LGALS9: variants seen among roughly 807,000 people sequenced by gnomAD.
The protein encoded by LGALS9 is galectin-9.
LGALS9 carries 26 observed loss-of-function variants against 35.9 expected under a neutral mutation model. The ratio of observed to expected loss-of-function variants is 0.72; its 90% CI spans 0.53 to 1.01. The LOEUF (loss-of-function observed/expected upper bound fraction) is 1.01, where lower values mean the gene tolerates loss of function less well. Ranked by LOEUF, LGALS9 falls within the 50% of genes least tolerant of loss-of-function variation. The pLI is 0.00. For synonymous variants in LGALS9, 149 were observed against 172.2 expected (o/e 0.87, Z 1.06); for missense variants, 347 against 445.8 (o/e 0.78, Z 1.99).
At chr17:27,643,420 C>A in intron 4 of LGALS9, 105 bp from the exon 5 acceptor site, 2 of 1,547,702 alleles carry the variant, frequency 1.3e-6, no homozygotes, top group Non-Finnish European at 1.7e-6. Context: ...TGCCTCATCG[C>A]CCTGCCTGCC....
chr17:27,645,743 G>A, intron 6 of LGALS9, 118 bp from the exon 7 acceptor site: 1 of 760,514 alleles, frequency 1.3e-6, no homozygotes, highest in Non-Finnish European at 2.1e-6. Flanking sequence ...TGTGGGGTCT[G>A]TGGGGCCATT....
intron 10 of LGALS9, among the ~76,000 whole-genome samples, 194 bp downstream of exon 10, chr17:27,647,626 T>C (rs1427283867): frequency 1.3e-5 from 2 of 152,316 alleles, no homozygotes; most frequent in South Asian, 2.1e-4. Context: ...GATCTGCTTT[T>C]TCAGATGAGG....
At chr17:27,639,356 C>G (rs2074490612) in intron 2 of LGALS9, among the ~76,000 whole-genome samples, 1 of 151,942 alleles carries the variant, frequency 6.6e-6, no homozygotes, top group Non-Finnish European at 1.5e-5. Flanking sequence ...TCCACCTCCC[C>G]CACCCCCCAG....
At chr17:27,646,278 A>C (rs530434432) in intron 7 of LGALS9, among the ~76,000 whole-genome samples, 4 of 152,122 alleles carry the variant, frequency 2.6e-5, no homozygotes, top group East Asian at 1.9e-4. Flanking sequence ...TCTTCTCCTG[A>C]TGGTGCAAAT....
intron 1 of LGALS9, among the ~76,000 whole-genome samples, chr17:27,634,440 A>G (rs2074421473): frequency 6.6e-6 from 1 of 152,118 alleles, no homozygotes; most frequent in South Asian, 2.1e-4. Flanking sequence ...AGTCCTAGCT[A>G]CCTGGGAGGC....
At chr17:27,635,111 T>C (rs192460071) in intron 1 of LGALS9, among the ~76,000 whole-genome samples, 2 of 152,226 alleles carry the variant, frequency 1.3e-5, no homozygotes, top group Non-Finnish European at 2.9e-5. Context: ...TGTGTTATAA[T>C]GCTGCAATGA....
chr17:27,635,405 T>C (rs1598178926), intron 1 of LGALS9, among the ~76,000 whole-genome samples: 1 of 152,006 alleles, frequency 6.6e-6, no homozygotes, highest in South Asian at 2.1e-4. Flanking sequence ...CAGCCCTCAC[T>C]GAACTCCAGC....
chr17:27,640,686 G>A lies in LGALS9; in HGVS notation c.246G>A (p.Trp82Ter). Reference protein sequence around the residue: ...VVCNTRQNGSWGPEERKTHMP... With the variant: ...VVCNTRQNGS ...GCAACACGAGGCAGAACGGAAGCTG[G>A]GGGCCCGAGGAGAGGAAGACACACA... Residue 82 changes from tryptophan (W) to a stop codon, truncating the protein, a stop_gained, in exon 3 of 11, where the codon TGG becomes TGA. Coordinates refer to ENST00000395473, the MANE Select transcript of LGALS9 (RefSeq NM_009587.3). LOFTEE classifies it high-confidence loss of function. 1 of 1,614,228 alleles carries A rather than the reference G, an allele frequency of 6.2e-7. No individual in the cohort carries two copies. The highest frequency in any genetic ancestry group is 8.5e-7 in the Non-Finnish European group (1 of 1,180,046).
intron 7 of LGALS9, 42 bp from the exon 8 acceptor site, chr17:27,646,505 C>G: frequency 6.2e-7 from 1 of 1,611,926 alleles, no homozygotes. Context: ...GCTCGCGCAC[C>G]CATGTGCTCT....
In LGALS9 at chr17:27,645,021, C is replaced by T. The variant is rs1904824779; in HGVS notation, c.541-293C>T. On this transcript the variant is annotated intron_variant, in intron 5 of 10. Transcript: ENST00000395473. ...GTGAAATATGGCACTGGAAGTAATGCTCTTCGCTGTGGGAGCTACAGAAAG... is the reference window on the plus strand; with the variant it reads ...GTGAAATATGGCACTGGAAGTAATGTTCTTCGCTGTGGGAGCTACAGAAAG... 12 of 502,012 alleles carry T rather than the reference C, an allele frequency of 2.4e-5. No individual in the cohort carries two copies. In the South Asian group the frequency reaches 3.4e-4, roughly 14 times the overall value. The allele number at this position is 502,012 out of a possible 1,614,324, so 31.1% of individuals were successfully genotyped here. A position where few individuals can be genotyped will look rare whatever the true frequency, so the allele number is the denominator to read the frequency against.
In LGALS9 at chr17:27,648,858, A is replaced by G. The variant is rs746863921; in HGVS notation, c.944A>G (p.His315Arg). Reference protein sequence around the residue: ...SFSVWILCEAHCLKVAVDGQH... With the variant: ...SFSVWILCEARCLKVAVDGQH... Reference sequence around the variant, plus strand: ...CAGGTGTGGATCTTGTGTGAAGCTCACTGCCTCAAGGTGGCCGTGGATGGT... The same window carrying G: ...CAGGTGTGGATCTTGTGTGAAGCTCGCTGCCTCAAGGTGGCCGTGGATGGT... The change falls in exon 11 of 11, where the codon CAC becomes CGC. Residue 315 changes from histidine (H) to arginine (R), a missense_variant. Coordinates refer to ENST00000395473, the MANE Select transcript of LGALS9 (RefSeq NM_009587.3). The G allele has an allele frequency of 1.6e-5, 26 of 1,612,280 alleles. No homozygotes were observed. The highest frequency in any genetic ancestry group is 2.0e-5 in the Non-Finnish European group (23 of 1,179,292).
At chr17:27,634,589 A>C (rs1209069051) in intron 1 of LGALS9, among the ~76,000 whole-genome samples, 3 of 151,098 alleles carry the variant, frequency 2.0e-5, no homozygotes, top group Non-Finnish European at 3.0e-5. Context: ...ACAAACAAAA[A>C]CCCCCCAAAA....
chr17:27,633,280 C>T (rs988308449), intron 1 of LGALS9, among the ~76,000 whole-genome samples: 1 of 147,700 alleles, frequency 6.8e-6, no homozygotes, highest in Non-Finnish European at 1.5e-5. Context: ...CCTAGTCATG[C>T]CCAGAGCCCT....
intron 4 of LGALS9, 125 bp downstream of exon 4, chr17:27,642,473 G>A: frequency 7.2e-7 from 1 of 1,392,130 alleles, no homozygotes. Context: ...GACAACCTCT[G>A]CTTCCCTGTC....
At chr17:27,646,670 T>C in intron 8 of LGALS9, 82 bp downstream of exon 8, 2 of 1,598,422 alleles carry the variant, frequency 1.3e-6, no homozygotes, top group Non-Finnish European at 1.7e-6. Context: ...GGGGATCCAC[T>C]GGCCTTGAAA....
intron 1 of LGALS9, among the ~76,000 whole-genome samples, chr17:27,636,660 T>C (rs1167281471): frequency 6.6e-6 from 1 of 151,836 alleles, no homozygotes; most frequent in South Asian, 2.1e-4. Flanking sequence ...TTTGTAGAGA[T>C]GGGGGTCCCA....
At chr17:27,644,503 C>G (rs572273636) in intron 5 of LGALS9, 36 of 152,528 alleles carry the variant, frequency 2.4e-4, no homozygotes, top group African/African-American at 7.9e-4. Context: ...TTCACACAGC[C>G]AGGGAGAATG....
intron 7 of LGALS9, among the ~76,000 whole-genome samples, chr17:27,646,183 T>A (rs1304592602): frequency 6.6e-6 from 1 of 151,592 alleles, no homozygotes; most frequent in Non-Finnish European, 1.5e-5. Context: ...AAGTGGGGAG[T>A]ACAGTGGCCC....
At chr17:27,644,502 C>A (rs1310570098) in intron 5 of LGALS9, 1 of 152,382 alleles carries the variant, frequency 6.6e-6, no homozygotes, top group Non-Finnish European at 1.5e-5. Context: ...GTTCACACAG[C>A]CAGGGAGAAT....
Sources: allele counts gnomAD v4.1 joint callset (sites outside exome capture counted in the v4.1 genomes callset), GRCh38; gene constraint gnomAD v4.1.1; transcripts MANE v1.5; gene names NCBI Gene and HGNC (gene_info 2026-07-23, HGNC 2026-07-21).